Variants in CENPP observed in about 807,000 individuals in gnomAD.
The protein encoded by CENPP is centromere protein P.
CENPP carries 24 observed loss-of-function variants against 35.6 expected under a neutral mutation model. That is an observed-to-expected ratio of 0.67 (90% CI 0.49 to 0.95). CENPP has a LOEUF of 0.95. CENPP is among the 40% of genes least tolerant of loss of function. The pLI, the probability that CENPP is intolerant of heterozygous loss-of-function variation, is 0.00. For missense variants in CENPP, 332 were observed against 345.3 expected (o/e 0.96, Z 0.31); for synonymous variants, 120 against 125.5 (o/e 0.96, Z 0.29).
intron 5 of CENPP, among the ~76,000 whole-genome samples, chr9:92,605,134 C>T (rs1851040006): frequency 6.6e-6 from 1 of 152,068 alleles, no homozygotes. Flanking sequence ...GCACACACCA[C>T]CACACCTGGC....
chr9:92,464,690 G>T, intron 5 of CENPP: 1 of 654,100 alleles, frequency 1.5e-6, no homozygotes, highest in Non-Finnish European at 2.8e-6. Context: ...AAAGTTCATT[G>T]CTTCTTAATG....
chr9:92,464,134 G>A (rs1042937852), intron 5 of CENPP, among the ~76,000 whole-genome samples: 3 of 152,210 alleles, frequency 2.0e-5, no homozygotes, highest in African/African-American at 7.2e-5. Flanking sequence ...TCAAAGCAAA[G>A]AGAGCATGTG....
In CENPP at chr9:92,409,640, C is replaced by T. The variant is rs563211564; in HGVS notation, c.564+29781C>T. On this transcript the variant is annotated intron_variant, in intron 5 of 7. Coordinates refer to ENST00000375587, the MANE Select transcript of CENPP (RefSeq NM_001012267.3). ...CCTTTCTAAAAGTTAAATGTGTGTT[C>T]GTTATGCATTTATATTTGTTAATTA... Among the ~76,000 whole-genome samples, 3 of 152,114 alleles carry T rather than the reference C, an allele frequency of 2.0e-5. No homozygotes were observed. In the South Asian group the frequency reaches 6.2e-4, roughly 32 times the overall value.
At chr9:92,447,380 A>T (rs1026575243) in intron 5 of CENPP, among the ~76,000 whole-genome samples, 2 of 151,964 alleles carry the variant, frequency 1.3e-5, no homozygotes, top group African/African-American at 4.8e-5. Flanking sequence ...GATTCTCATA[A>T]GGAGCATGCA....
At chr9:92,609,221 C>T (rs1226012290) in intron 5 of CENPP, among the ~76,000 whole-genome samples, 2 of 152,236 alleles carry the variant, frequency 1.3e-5, no homozygotes, top group East Asian at 1.9e-4. Flanking sequence ...GCTGGTGCTG[C>T]GATGCACCCT....
At position 92,334,576 on chromosome 9, in the gene CENPP, C is replaced by T. The variant is rs1207360232; in HGVS notation, c.289+2225C>T. On this transcript the variant is annotated intron_variant, in intron 2 of 7. Coordinates refer to ENST00000375587, the MANE Select transcript of CENPP (RefSeq NM_001012267.3). ...ACTTTGTTAAAAATGCACCCTTACTCATTATTTAAAAATAAAAATCAGGCC... is the reference window on the plus strand; with the variant it reads ...ACTTTGTTAAAAATGCACCCTTACTTATTATTTAAAAATAAAAATCAGGCC... Among the ~76,000 whole-genome samples, 11 of 152,024 alleles carry T rather than the reference C, an allele frequency of 7.2e-5. No individual in the cohort carries two copies. In the East Asian group the frequency reaches 2.1e-3, roughly 29 times the overall value.
chr9:92,380,879 C>T (rs1216864113), intron 5 of CENPP, among the ~76,000 whole-genome samples: 1 of 152,130 alleles, frequency 6.6e-6, no homozygotes. Flanking sequence ...TCTCCATTTC[C>T]AAAGCTGATT....
chr9:92,336,202 G>A (rs1210740434), intron 2 of CENPP, among the ~76,000 whole-genome samples: 2 of 151,962 alleles, frequency 1.3e-5, no homozygotes, highest in Non-Finnish European at 2.9e-5. Flanking sequence ...ACATTCCTGT[G>A]CAATTTTGGC....
At chr9:92,368,216 A>T (rs1291785611) in intron 4 of CENPP, among the ~76,000 whole-genome samples, 1 of 152,194 alleles carries the variant, frequency 6.6e-6, no homozygotes, top group Non-Finnish European at 1.5e-5. Context: ...TTGTTTTCTC[A>T]TGGATCATTG....
intron 5 of CENPP, among the ~76,000 whole-genome samples, chr9:92,388,831 C>CAAA (rs533649013): frequency 4.8e-5 from 4 of 83,586 alleles, no homozygotes; most frequent in Non-Finnish European, 7.5e-5. Context: ...GACTCCATCT[C>CAAA]AAAAAAAAAA....
chr9:92,513,169 A>G (rs1039419786), intron 5 of CENPP, among the ~76,000 whole-genome samples: 8 of 152,174 alleles, frequency 5.3e-5, no homozygotes, highest in Non-Finnish European at 1.2e-4. Flanking sequence ...TGTCCCCACC[A>G]GCCAGCCTCT....
intron 5 of CENPP, among the ~76,000 whole-genome samples, chr9:92,589,333 G>A (rs1022853033): frequency 2.7e-5 from 4 of 149,858 alleles, no homozygotes; most frequent in African/African-American, 9.8e-5. Context: ...GAGACAGCAA[G>A]ACCCTGTCTC....
intron 5 of CENPP, chr9:92,417,367 A>G (rs1005299532): frequency 1.2e-6 from 2 of 1,613,994 alleles, no homozygotes; most frequent in African/African-American, 2.7e-5. Flanking sequence ...AGAAGCATTC[A>G]CTGACACAGC....
At chr9:92,596,328 A>G (rs1850778612) in intron 5 of CENPP, among the ~76,000 whole-genome samples, 1 of 151,118 alleles carries the variant, frequency 6.6e-6, no homozygotes, top group African/African-American at 2.4e-5. Flanking sequence ...ATGGGGTCTC[A>G]CTATGTTGCC....
intron 4 of CENPP, among the ~76,000 whole-genome samples, chr9:92,373,190 A>T (rs1842048823): frequency 6.6e-6 from 1 of 152,076 alleles, no homozygotes; most frequent in Admixed American, 6.6e-5. Context: ...TGGGAGGCTG[A>T]GATGGGAGGA....
chr9:92,357,168 CA>C (rs1189766448), intron 4 of CENPP, among the ~76,000 whole-genome samples: 1 of 151,874 alleles, frequency 6.6e-6, no homozygotes, highest in Non-Finnish European at 1.5e-5. Flanking sequence ...TTTATAATTT[CA>C]CATGTATTTA....
At chr9:92,340,347 G>T (rs1841073149) in intron 3 of CENPP, 1 of 152,142 alleles carries the variant, frequency 6.6e-6, no homozygotes, top group Non-Finnish European at 1.5e-5. Flanking sequence ...TCCTTAGTGG[G>T]GCTATGGCCT....
At chr9:92,511,085 C>T (rs1320336849) in intron 5 of CENPP, among the ~76,000 whole-genome samples, 2 of 152,118 alleles carry the variant, frequency 1.3e-5, no homozygotes, top group South Asian at 2.1e-4. Context: ...ACATAAACCC[C>T]TTTTCTCTTG....
chr9:92,472,906 A>G (rs1845578820), intron 5 of CENPP, among the ~76,000 whole-genome samples: 1 of 152,130 alleles, frequency 6.6e-6, no homozygotes, highest in African/African-American at 2.4e-5. Context: ...GATTTTGACA[A>G]ACCTACTCCT....
Sources: allele counts gnomAD v4.1 joint callset (sites outside exome capture counted in the v4.1 genomes callset), GRCh38; gene constraint gnomAD v4.1.1; transcripts MANE v1.5; gene names NCBI Gene and HGNC (gene_info 2026-07-23, HGNC 2026-07-21).